The following GDI2 variants were observed in gnomAD, a reference collection of about 807,000 sequenced individuals.
GDI2 encodes GDP dissociation inhibitor 2.
A neutral mutation model predicts 54.2 loss-of-function variants in GDI2; 22 were observed. That is an observed-to-expected ratio of 0.41 (90% CI 0.29 to 0.58). GDI2 has a LOEUF of 0.58. Ranked by LOEUF, GDI2 falls within the 20% of genes least tolerant of loss-of-function variation. The probability of loss-of-function intolerance (pLI) is 0.35; values close to 1 mark genes in which losing one functional copy is unlikely to be tolerated. For missense variants in GDI2, 422 were observed against 546.0 expected, an observed-to-expected ratio of 0.77 and a Z score of 2.26; for synonymous variants, 177 against 182.1, an observed-to-expected ratio of 0.97 and a Z score of 0.23.
At chr10:5,786,382 G>T (rs1328444050) in intron 4 of GDI2, among the ~76,000 whole-genome samples, 1 of 151,864 alleles carries the variant, frequency 6.6e-6, no homozygotes, top group Non-Finnish European at 1.5e-5. Context: ...TGTTAGGCTG[G>T]TCTCAAACTC....
rs1129614 is a variant in GDI2 at position 5,766,123 on chromosome 10, G to A, written c.1221C>T (p.Thr407=). 317,934 of 1,611,522 alleles carry A rather than the reference G, an allele frequency of 0.2. 32,951 individuals are homozygous for A. Among genetic ancestry groups the A allele is most frequent in the Admixed American group, 0.23 (14,046 of 59,924 alleles). ...QIFISRTYDA[T]THFETTCDDI... ...CATCACACGTTGTCTCAAAATGAGT[G>A]GTGGCATCATATGTGCGGGAAATAA... Residue 407 remains threonine (T), a synonymous_variant, in exon 11 of 11, where the codon ACC becomes ACT. Coordinates refer to ENST00000380191, the MANE Select transcript of GDI2 (RefSeq NM_001494.4). This position sits in a 1 kb window ranked among gnomAD's most constrained non-coding sequence, Gnocchi z 5.8.
chr10:5,796,140 A>C (rs1180718001), intron 3 of GDI2, among the ~76,000 whole-genome samples: 1 of 152,114 alleles, frequency 6.6e-6, no homozygotes, highest in Non-Finnish European at 1.5e-5. Flanking sequence ...ACTTGATGTC[A>C]GGAGTTCAAG....
rs1380772258 is a variant in GDI2 at position 5,781,297 on chromosome 10, GGA to G, written c.719+3843_719+3844del. Among the ~76,000 whole-genome samples, 486 of 150,910 alleles carry G rather than the reference GGA, an allele frequency of 3.2e-3. 2 individuals carry two copies. The highest frequency in any genetic ancestry group is 0.011 in the African/African-American group (462 of 41,140). ...TAAAAAAAAAAAAAAAAAGACAATA[GGA>G]GAGTATTTCTGTGCCCTTGGGGGCA... On this transcript the variant is annotated intron_variant, in intron 6 of 10. Transcript: ENST00000380191.
rs566598358 is a variant in GDI2 at position 5,775,022 on chromosome 10, G to T, written c.720-1081C>A. On this transcript the variant is annotated intron_variant, in intron 6 of 10. Transcript: ENST00000380191. The stretch of plus-strand genomic sequence containing the variant: ...CTATCAGAAGGAACTGAAGGCAGTG[G>T]TTCACGCCTAATGCCACCACTTTGG... Among the ~76,000 whole-genome samples, 153 of 152,334 alleles carry T rather than the reference G, an allele frequency of 1.0e-3. 2 individuals are homozygous for T. The highest frequency in any genetic ancestry group is 3.7e-3 in the South Asian group (18 of 4,830).
In GDI2 at chr10:5,765,981, A is replaced by G. The variant is rs1196967001; in HGVS notation, c.*25T>C. ...ATTTGCCAAATTTTAAATGTGTCCTAATTACATAATAACATGTACTGCTGT... is the reference window on the plus strand; with the variant it reads ...ATTTGCCAAATTTTAAATGTGTCCTGATTACATAATAACATGTACTGCTGT... On this transcript the variant is annotated 3_prime_UTR_variant, in exon 11 of 11. Transcript: ENST00000380191. The G allele has an allele frequency of 6.5e-7, 1 of 1,541,110 alleles. No homozygotes were observed. Among genetic ancestry groups the G allele is most frequent in the African/African-American group, 1.4e-5 (1 of 71,762 alleles).
At chr10:5,794,185 AAAAATATATATATATAT>A (rs1331460071) in intron 4 of GDI2, among the ~76,000 whole-genome samples, 14 of 46,872 alleles carry the variant, frequency 3.0e-4, no homozygotes, top group Admixed American at 9.7e-4. Context: ...AAAAAAAAAA[AAAAATATATATATATAT>A]ATATATATAT....
intron 2 of GDI2, among the ~76,000 whole-genome samples, chr10:5,799,111 G>A (rs1445784487): frequency 6.6e-6 from 1 of 152,172 alleles, no homozygotes; most frequent in Non-Finnish European, 1.5e-5. Flanking sequence ...GGAAACCAAG[G>A]TAGGAGGATC....
rs1262039676 is a variant in GDI2, at chr10:5,768,549, A to G, written c.820-165T>C. 1 of 596,370 alleles carries G rather than the reference A, an allele frequency of 1.7e-6. No individual in the cohort carries two copies. Among genetic ancestry groups the G allele is most frequent in the East Asian group, 2.8e-5 (1 of 35,874 alleles). The allele number at this position is 596,370 out of a possible 1,614,324, so 36.9% of individuals were successfully genotyped here. A position where few individuals can be genotyped will look rare whatever the true frequency, so the allele number is the denominator to read the frequency against. ...ATTCTGGAACAACCAAAACAATCTT[A>G]AAAGAAGAACAGCAAAGCTGGAGGA... On this transcript the variant is annotated intron_variant, in intron 7 of 10. Transcript: ENST00000380191. This position sits in a 1 kb window ranked among gnomAD's most constrained non-coding sequence, Gnocchi z 4.4.
intron 1 of GDI2, among the ~76,000 whole-genome samples, chr10:5,805,847 G>A (rs1841367967): frequency 3.3e-5 from 5 of 152,172 alleles, no homozygotes; most frequent in African/African-American, 1.2e-4. Flanking sequence ...CCGCATTTCT[G>A]GTAAATTCTC....
intron 1 of GDI2, among the ~76,000 whole-genome samples, chr10:5,806,064 G>C (rs1264286010): frequency 6.6e-6 from 1 of 152,150 alleles, no homozygotes; most frequent in Non-Finnish European, 1.5e-5. Context: ...TATATATCAA[G>C]AAGAGTATAA....
intron 2 of GDI2, among the ~76,000 whole-genome samples, chr10:5,797,101 T>C (rs189088610): frequency 4.5e-4 from 69 of 152,266 alleles, no homozygotes; most frequent in African/African-American, 1.6e-3. Flanking sequence ...GGTTTTTCAC[T>C]AGCAGAAAAG....
At chr10:5,780,224 AC>A (rs1840723474) in intron 6 of GDI2, among the ~76,000 whole-genome samples, 1 of 102,422 alleles carries the variant, frequency 9.8e-6, no homozygotes, top group African/African-American at 2.9e-5. Context: ...AAAAAAACAA[AC>A]AAACAAACAA....
At chr10:5,787,622 A>G (rs1840909937) in intron 4 of GDI2, among the ~76,000 whole-genome samples, 1 of 152,272 alleles carries the variant, frequency 6.6e-6, no homozygotes. Flanking sequence ...CAGTAAAGGC[A>G]TAAGGCTGAA....
At chr10:5,777,244 G>A (rs537666195) in intron 6 of GDI2, among the ~76,000 whole-genome samples, 3 of 152,234 alleles carry the variant, frequency 2.0e-5, no homozygotes, top group African/African-American at 7.2e-5. Context: ...AGGCCGAGGC[G>A]GGTGGATCAC....
At position 5,785,194 on chromosome 10, in the gene GDI2, G is replaced by T; in HGVS notation, c.667C>A (p.Pro223Thr). 1 of 1,611,872 alleles carries T rather than the reference G, an allele frequency of 6.2e-7. No individual in the cohort carries two copies. Among genetic ancestry groups the T allele is most frequent in the Non-Finnish European group, 8.5e-7 (1 of 1,178,234 alleles). The part of the protein sequence containing the change: ...SESLARYGKS[P>T]YLYPLYGLGE... Reference sequence around the variant, plus strand: ...AGGCCATAGAGTGGATAAAGGTATGGGCTTTTGCCATATCTTGCCAAAGAT... The same window carrying T: ...AGGCCATAGAGTGGATAAAGGTATGTGCTTTTGCCATATCTTGCCAAAGAT... Residue 223 changes from proline (P) to threonine (T), a missense_variant, in exon 6 of 11, where the codon CCA becomes ACA. Pro to Thr is a conservative substitution (Grantham distance 38, BLOSUM62 -1). Coordinates refer to ENST00000380191, the MANE Select transcript of GDI2 (RefSeq NM_001494.4).
At chr10:5,807,968 G>GAGCAAT (rs1449989862) in intron 1 of GDI2, among the ~76,000 whole-genome samples, 1 of 152,172 alleles carries the variant, frequency 6.6e-6, no homozygotes, top group African/African-American at 2.4e-5. Flanking sequence ...CCCGATTACA[G>GAGCAAT]AGCAATTTAG....
At chr10:5,782,585 AAGG>A (rs1156415875) in intron 6 of GDI2, among the ~76,000 whole-genome samples, 1 of 152,292 alleles carries the variant, frequency 6.6e-6, no homozygotes, top group East Asian at 1.9e-4. Context: ...TGTCCACCAA[AAGG>A]AGAATTATAT....
rs575166489 is a variant in GDI2 at position 5,785,369 on chromosome 10, T to G, written c.588-96A>C. The G allele has an allele frequency of 1.9e-3, 1,093 of 579,142 alleles. 18 individuals carry two copies. In the East Asian group the frequency reaches 0.03, roughly 16 times the overall value. The allele number at this position is 579,142 out of a possible 1,614,324, so 35.9% of individuals were successfully genotyped here. On this transcript the variant is annotated intron_variant, in intron 5 of 10. Coordinates refer to ENST00000380191, the MANE Select transcript of GDI2 (RefSeq NM_001494.4). ...TTTGAAGCGATTTCAATCCGCTATC[T>G]TCTTTTTTGTTTTTTTGTTTTTTGA...
chr10:5,773,776 A>G (rs1487928870), intron 7 of GDI2, 66 bp downstream of exon 7: 11 of 761,898 alleles, frequency 1.4e-5, no homozygotes, highest in Admixed American at 4.4e-5. Context: ...ACCAAAATCA[A>G]TATTTAGAAT....
Sources: gnomAD v4.1 joint callset for allele counts (sites outside exome capture counted in the v4.1 genomes callset) on GRCh38, gnomAD v4.1.1 for gene constraint, Gnocchi (gnomAD v3.1) non-coding constraint, MANE v1.5 for transcripts, NCBI Gene and HGNC (gene_info 2026-07-23, HGNC 2026-07-21) for gene names.